RBMS1: variants seen among roughly 807,000 people sequenced by gnomAD.
The protein encoded by RBMS1 is RNA-binding motif, single-stranded-interacting protein 1.
A neutral mutation model predicts 62.3 loss-of-function variants in RBMS1; 17 were observed. The ratio of observed to expected loss-of-function variants is 0.27; its 90% CI spans 0.19 to 0.41. RBMS1 has a LOEUF of 0.41. RBMS1 is among the 10% of genes least tolerant of loss of function. The pLI is 1.00. For synonymous variants in RBMS1, 172 were observed against 170.0 expected (o/e 1.01, Z -0.09); for missense variants, 334 against 504.5 (o/e 0.66, Z 3.24).
intron 6 of RBMS1, among the ~76,000 whole-genome samples, chr2:160,291,929 T>C (rs1688701048): frequency 6.6e-6 from 1 of 152,232 alleles, no homozygotes; most frequent in African/African-American, 2.4e-5. Context: ...TATTTACTAC[T>C]TTTCTAAGTC....
intron 2 of RBMS1, among the ~76,000 whole-genome samples, chr2:160,333,927 TA>T (rs375353012): frequency 1.1e-4 from 16 of 147,706 alleles, no homozygotes; most frequent in East Asian, 2.0e-4. Context: ...CTAGTGAACT[TA>T]AAAAAAAAAG....
At chr2:160,447,068 A>T (rs1683685182) in intron 1 of RBMS1, among the ~76,000 whole-genome samples, 1 of 152,228 alleles carries the variant, frequency 6.6e-6, no homozygotes, top group African/African-American at 2.4e-5. Flanking sequence ...GTACTTACGA[A>T]ATAACCTTCA....
intron 1 of RBMS1, among the ~76,000 whole-genome samples, chr2:160,404,911 A>C (rs1320926379): frequency 2.0e-5 from 3 of 152,222 alleles, no homozygotes; most frequent in Non-Finnish European, 4.4e-5. Flanking sequence ...GCTATTGAGC[A>C]GTACATGTAG....
rs1446882696 is a variant in RBMS1 at position 160,272,285 on chromosome 2, T to G, written c.*2487A>C. ...AGTCCTAGGAAAGAAAACTACAGAG[T>G]TATCTTGAACCGGACAAATAAGTTA... is the stretch of plus-strand genomic sequence containing the variant. On this transcript the variant is annotated 3_prime_UTR_variant, in exon 14 of 14. Coordinates refer to ENST00000348849, the MANE Select transcript of RBMS1 (RefSeq NM_016836.4). 1 of 152,116 alleles carries G rather than the reference T, an allele frequency of 6.6e-6. No homozygotes were observed. The highest frequency in any genetic ancestry group is 2.4e-5 in the African/African-American group (1 of 41,408). The allele number at this position is 152,116 out of a possible 1,614,324, so 9.4% of individuals were successfully genotyped here. A position where few individuals can be genotyped will look rare whatever the true frequency, so the allele number is the denominator to read the frequency against.
intron 6 of RBMS1, among the ~76,000 whole-genome samples, chr2:160,291,737 C>T (rs1270495146): frequency 6.6e-6 from 1 of 152,132 alleles, no homozygotes. Context: ...TATAGTCATG[C>T]TTTGCTCCTG....
chr2:160,466,228 A>C (rs897497194), intron 1 of RBMS1, among the ~76,000 whole-genome samples: 1 of 152,170 alleles, frequency 6.6e-6, no homozygotes, highest in East Asian at 1.9e-4. Flanking sequence ...TATTCTGCCA[A>C]TCATGCCTAT....
intron 2 of RBMS1, among the ~76,000 whole-genome samples, chr2:160,354,139 G>A (rs142923151): frequency 1.8e-3 from 272 of 152,162 alleles, no homozygotes; most frequent in African/African-American, 6.4e-3. Flanking sequence ...TGATTCTGGT[G>A]CGTGTTCCTC....
intron 1 of RBMS1, among the ~76,000 whole-genome samples, chr2:160,386,094 T>C (rs1036289559): frequency 1.3e-4 from 20 of 152,250 alleles, no homozygotes; most frequent in Non-Finnish European, 2.5e-4. Context: ...ATTTTATTAA[T>C]ATAGGTAAAA....
At chr2:160,434,224 G>A (rs943428129) in intron 1 of RBMS1, among the ~76,000 whole-genome samples, 2 of 152,176 alleles carry the variant, frequency 1.3e-5, no homozygotes, top group Non-Finnish European at 1.5e-5. Context: ...ACTAGTTCAT[G>A]AGAAGTGTTT....
At chr2:160,379,046 C>G (rs973799642) in intron 1 of RBMS1, among the ~76,000 whole-genome samples, 9 of 151,996 alleles carry the variant, frequency 5.9e-5, no homozygotes, top group African/African-American at 2.2e-4. Context: ...ATGGCAAAAC[C>G]CTATCTCTAC....
intron 4 of RBMS1, among the ~76,000 whole-genome samples, chr2:160,308,760 A>G (rs1689689903): frequency 6.6e-6 from 1 of 152,172 alleles, no homozygotes; most frequent in Non-Finnish European, 1.5e-5. Flanking sequence ...CAAGCTTTCT[A>G]AAGAGGTCTT....
intron 6 of RBMS1, among the ~76,000 whole-genome samples, chr2:160,297,217 G>A (rs1265714960): frequency 6.6e-6 from 1 of 152,156 alleles, no homozygotes; most frequent in Non-Finnish European, 1.5e-5. Flanking sequence ...AGATGGAGGA[G>A]GGTGTATGTG....
chr2:160,456,625 C>A (rs1459533361), intron 1 of RBMS1, among the ~76,000 whole-genome samples: 1 of 152,184 alleles, frequency 6.6e-6, no homozygotes, highest in East Asian at 1.9e-4. Flanking sequence ...TACTGTAAAA[C>A]AGCCTCCAAG....
chr2:160,390,739 G>A (rs2105210495), intron 1 of RBMS1, among the ~76,000 whole-genome samples: 1 of 150,158 alleles, frequency 6.7e-6, no homozygotes, highest in African/African-American at 2.5e-5. Flanking sequence ...TGGAATGGCA[G>A]GTATGAACTT....
At chr2:160,290,854 G>A (rs1688636016) in intron 6 of RBMS1, among the ~76,000 whole-genome samples, 1 of 152,150 alleles carries the variant, frequency 6.6e-6, no homozygotes, top group Non-Finnish European at 1.5e-5. Context: ...AGAGTGGGAT[G>A]GTCTCTTACA....
intron 6 of RBMS1, among the ~76,000 whole-genome samples, chr2:160,290,953 G>A (rs780288414): frequency 4.0e-5 from 6 of 151,892 alleles, no homozygotes; most frequent in Non-Finnish European, 7.4e-5. Flanking sequence ...CATCTCCACC[G>A]AGTATTTTCC....
intron 1 of RBMS1, among the ~76,000 whole-genome samples, chr2:160,376,576 A>G (rs1694011682): frequency 6.6e-6 from 1 of 152,174 alleles, no homozygotes; most frequent in South Asian, 2.1e-4. Context: ...GAGTGATACT[A>G]GAACAGCTCT....
chr2:160,293,158 A>G lies in RBMS1; in HGVS notation c.641-6074T>C. Among the ~76,000 whole-genome samples, 2 of 152,216 alleles carry G rather than the reference A, an allele frequency of 1.3e-5. 1 individual carries two copies. Among genetic ancestry groups the G allele is most frequent in the East Asian group, 3.9e-4 (2 of 5,192 alleles). On this transcript the variant is annotated intron_variant, in intron 6 of 13. Coordinates refer to ENST00000348849, the MANE Select transcript of RBMS1 (RefSeq NM_016836.4). ...AGCTACCAAAATTTTCTGTTTTTACAGGGTAACAATGCTTAAGAGAAATAT... is the reference window on the plus strand; with the variant it reads ...AGCTACCAAAATTTTCTGTTTTTACGGGGTAACAATGCTTAAGAGAAATAT...
intron 2 of RBMS1, among the ~76,000 whole-genome samples, chr2:160,338,271 GTGA>G (rs1691685671): frequency 6.6e-6 from 1 of 152,180 alleles, no homozygotes; most frequent in Admixed American, 6.5e-5. Flanking sequence ...GAATAAATAT[GTGA>G]TGAACTTAAT....
Sources: allele counts gnomAD v4.1 joint callset (sites outside exome capture counted in the v4.1 genomes callset), GRCh38; gene constraint gnomAD v4.1.1; transcripts MANE v1.5; gene names NCBI Gene and HGNC (gene_info 2026-07-23, HGNC 2026-07-21).